ST3GAL3: variants seen among roughly 807,000 people sequenced by gnomAD.
The protein encoded by ST3GAL3 is ST3 beta-galactoside alpha-2,3-sialyltransferase 3, also known as CMP-N-acetylneuraminate-beta-1,4-galactoside alpha-2,3-sialyltransferase.
Under a neutral mutation model 50.1 loss-of-function variants are expected in ST3GAL3, and 21 were observed. The observed-to-expected ratio is 0.42, with a 90% CI of 0.30 to 0.60. The LOEUF (loss-of-function observed/expected upper bound fraction) is 0.60. Among genes scored for constraint, ST3GAL3 ranks in the 20% least tolerant of loss-of-function variants. The pLI is 0.19. For synonymous variants in ST3GAL3, 183 were observed against 190.0 expected (o/e 0.96, Z 0.30); for missense variants, 353 against 489.4 (o/e 0.72, Z 2.63).
At chr1:43,781,866 T>G (rs1166453542) in intron 2 of ST3GAL3, among the ~76,000 whole-genome samples, 1 of 152,182 alleles carries the variant, frequency 6.6e-6, no homozygotes, top group Non-Finnish European at 1.5e-5. Flanking sequence ...ATCTACTTCT[T>G]ACTCTCCCAT....
At chr1:43,921,355 C>T (rs376734202) in intron 11 of ST3GAL3, 7 of 458,298 alleles carry the variant, frequency 1.5e-5, no homozygotes, top group South Asian at 1.3e-4. Flanking sequence ...CTTCATACCC[C>T]GAATTGCTTC....
chr1:43,740,392 G>A (rs1680357586), intron 2 of ST3GAL3, among the ~76,000 whole-genome samples: 1 of 151,762 alleles, frequency 6.6e-6, no homozygotes, highest in South Asian at 2.1e-4. Flanking sequence ...ATTTAGGTCA[G>A]TACCTTGTAT....
rs915646340 is a variant in ST3GAL3, at chr1:43,707,570, C to T, written c.-154C>T. The T allele has an allele frequency of 2.0e-5, 3 of 151,926 alleles. No individual in the cohort carries two copies. Among genetic ancestry groups the T allele is most frequent in the Non-Finnish European group, 4.4e-5 (3 of 68,026 alleles). 9.4% of individuals were successfully genotyped at this position (151,926 alleles called of 1,614,324 possible). A position where few individuals can be genotyped will look rare whatever the true frequency, so the allele number is the denominator to read the frequency against. The stretch of plus-strand genomic sequence containing the variant: ...CCACTATGGCGGCGCCCATGCAGCC[C>T]AGCGCGTTGTGGGCTCCCGCCGGGG... On this transcript the variant is annotated 5_prime_UTR_variant, in exon 1 of 12. Coordinates refer to ENST00000347631, the MANE Select transcript of ST3GAL3 (RefSeq NM_006279.5).
At chr1:43,817,661 T>TCC in intron 4 of ST3GAL3, among the ~76,000 whole-genome samples, 1 of 138,558 alleles carries the variant, frequency 7.2e-6, no homozygotes, top group East Asian at 2.2e-4. Flanking sequence ...CTCCTTCTCC[T>TCC]TCTTCTCCTT....
chr1:43,911,923 C>A (rs1180400616), intron 9 of ST3GAL3: 1 of 152,156 alleles, frequency 6.6e-6, no homozygotes, highest in African/African-American at 2.4e-5. Context: ...CTCGTCAGTT[C>A]AAGTGATCTG....
chr1:43,830,503 C>G (rs1271435638), intron 4 of ST3GAL3, among the ~76,000 whole-genome samples: 1 of 152,208 alleles, frequency 6.6e-6, no homozygotes, highest in Non-Finnish European at 1.5e-5. Context: ...TAACTCTAAC[C>G]TCTATTACAT....
At chr1:43,818,579 G>A (rs2061697484) in intron 4 of ST3GAL3, among the ~76,000 whole-genome samples, 1 of 152,140 alleles carries the variant, frequency 6.6e-6, no homozygotes, top group Non-Finnish European at 1.5e-5. Flanking sequence ...GTTGAAGCTT[G>A]TTCTCATGGT....
chr1:43,883,808 C>T (rs1297444095), intron 5 of ST3GAL3, among the ~76,000 whole-genome samples: 1 of 152,188 alleles, frequency 6.6e-6, no homozygotes, highest in Non-Finnish European at 1.5e-5. Context: ...ACTTATGGTT[C>T]TCTTCTCTTC....
intron 11 of ST3GAL3, among the ~76,000 whole-genome samples, chr1:43,927,260 G>A (rs1183168420): frequency 1.3e-5 from 2 of 152,182 alleles, no homozygotes; most frequent in African/African-American, 2.4e-5. Flanking sequence ...GGGAGGCAGA[G>A]GTTGTAGTGA....
chr1:43,920,056 C>G, intron 9 of ST3GAL3: 2 of 365,740 alleles, frequency 5.5e-6, no homozygotes, highest in Non-Finnish European at 1.0e-5. Flanking sequence ...GATAGGGAGG[C>G]AGGGCAGCTG....
chr1:43,870,892 G>A (rs913113114), intron 5 of ST3GAL3, among the ~76,000 whole-genome samples: 1 of 152,122 alleles, frequency 6.6e-6, no homozygotes. Flanking sequence ...AGGCCAAGTG[G>A]GCCAGGAGTC....
intron 5 of ST3GAL3, among the ~76,000 whole-genome samples, chr1:43,864,264 G>A (rs970817964): frequency 3.3e-5 from 5 of 152,166 alleles, no homozygotes; most frequent in African/African-American, 1.2e-4. Flanking sequence ...GGCAACAAGA[G>A]CAAAACTCTG....
chr1:43,923,523 G>A (rs1216538872), intron 11 of ST3GAL3, among the ~76,000 whole-genome samples: 1 of 152,162 alleles, frequency 6.6e-6, no homozygotes, highest in African/African-American at 2.4e-5. Flanking sequence ...GGAAGATTCA[G>A]TATCTGGTCA....
intron 4 of ST3GAL3, among the ~76,000 whole-genome samples, chr1:43,828,469 A>G (rs1281741289): frequency 6.6e-6 from 1 of 152,180 alleles, no homozygotes; most frequent in Non-Finnish European, 1.5e-5. Context: ...ACAAGCCACA[A>G]ACTGGGGAAA....
intron 11 of ST3GAL3, among the ~76,000 whole-genome samples, chr1:43,926,963 C>T (rs540459858): frequency 1.3e-5 from 2 of 152,316 alleles, no homozygotes; most frequent in African/African-American, 4.8e-5. Flanking sequence ...ATTGTTCCAT[C>T]TCTTCTTTGT....
At chr1:43,734,811 A>G (rs1677666262) in intron 1 of ST3GAL3, among the ~76,000 whole-genome samples, 1 of 152,138 alleles carries the variant, frequency 6.6e-6, no homozygotes, top group African/African-American at 2.4e-5. Flanking sequence ...ATATTTATAC[A>G]TCATTTTTTT....
chr1:43,715,434 G>C (rs528891603), intron 1 of ST3GAL3, among the ~76,000 whole-genome samples: 4 of 152,168 alleles, frequency 2.6e-5, no homozygotes, highest in African/African-American at 9.6e-5. Context: ...AAATTAGCCA[G>C]GTGTGGTAGC....
At chr1:43,889,191 A>G (rs2076368928) in intron 5 of ST3GAL3, among the ~76,000 whole-genome samples, 1 of 122,636 alleles carries the variant, frequency 8.2e-6, no homozygotes. Flanking sequence ...TGAATAAAGA[A>G]GGGAACAGGA....
intron 9 of ST3GAL3, among the ~76,000 whole-genome samples, chr1:43,904,618 C>T (rs998163603): frequency 3.3e-4 from 50 of 151,910 alleles, no homozygotes; most frequent in African/African-American, 1.2e-3. Context: ...TCCTCACTGT[C>T]TTCTGTAAGC....
Sources: gnomAD v4.1 joint callset for allele counts (sites outside exome capture counted in the v4.1 genomes callset) on GRCh38, gnomAD v4.1.1 for gene constraint, MANE v1.5 for transcripts, NCBI Gene and HGNC (gene_info 2026-07-23, HGNC 2026-07-21) for gene names.